The following HECTD4 variants were observed in gnomAD, a reference collection of about 807,000 sequenced individuals.
The protein encoded by HECTD4 is probable E3 ubiquitin-protein ligase HECTD4.
HECTD4 carries 114 observed loss-of-function variants against 471.5 expected under a neutral mutation model. The ratio of observed to expected loss-of-function variants is 0.24; its 90% CI spans 0.21 to 0.28. HECTD4 has a LOEUF of 0.28. HECTD4 is among the 10% of genes least tolerant of loss of function. HECTD4 has a pLI of 1.00. For missense variants in HECTD4, 3,866 were observed against 5,651.5 expected (o/e 0.68, Z 10.13); for synonymous variants, 2,012 against 2,256.0 (o/e 0.89, Z 3.07).
At chr12:112,316,955 T>C (rs1382862832) in intron 2 of HECTD4, among the ~76,000 whole-genome samples, 1 of 152,166 alleles carries the variant, frequency 6.6e-6, no homozygotes, top group Admixed American at 6.5e-5. Flanking sequence ...GTAAGTTCAA[T>C]AACTATTTTT....
intron 37 of HECTD4, 111 bp downstream of exon 37, chr12:112,234,966 G>C: frequency 1.2e-6 from 1 of 853,522 alleles, no homozygotes; most frequent in East Asian, 2.7e-5. Context: ...TACCTGAAAG[G>C]GGTGTAAAGA....
intron 55 of HECTD4, among the ~76,000 whole-genome samples, chr12:112,198,378 G>A (rs953637438): frequency 1.3e-5 from 2 of 152,206 alleles, no homozygotes; most frequent in Non-Finnish European, 2.9e-5. Flanking sequence ...CACCACAGAG[G>A]AGGGGCTGCC....
intron 1 of HECTD4, among the ~76,000 whole-genome samples, chr12:112,323,389 A>G (rs530303389): frequency 1.3e-5 from 2 of 152,288 alleles, no homozygotes; most frequent in South Asian, 4.1e-4. Context: ...ACTAATATGA[A>G]AAATATTCAT....
chr12:112,317,750 C>T (rs565089757), intron 2 of HECTD4, among the ~76,000 whole-genome samples: 18 of 151,492 alleles, frequency 1.2e-4, no homozygotes, highest in South Asian at 6.3e-4. Flanking sequence ...AGGCCAAGGC[C>T]GGCAGATTGC....
At chr12:112,268,579 A>C (rs529876574) in intron 13 of HECTD4, among the ~76,000 whole-genome samples, 6 of 152,166 alleles carry the variant, frequency 3.9e-5, no homozygotes, top group Non-Finnish European at 2.9e-5. Context: ...AACGTGGTGA[A>C]ACCCCATCTC....
chr12:112,303,777 G>A (rs775351401), intron 7 of HECTD4, among the ~76,000 whole-genome samples: 30 of 151,384 alleles, frequency 2.0e-4, no homozygotes, highest in South Asian at 1.5e-3. Context: ...CTGAGCCCAG[G>A]AGGTTGAGGC....
intron 35 of HECTD4, among the ~76,000 whole-genome samples, chr12:112,236,371 TC>T (rs1236715326): frequency 6.6e-6 from 1 of 152,260 alleles, no homozygotes; most frequent in East Asian, 1.9e-4. Context: ...CGTTATTTAT[TC>T]TTTCTTAATG....
Position 112,170,413 on chromosome 12 carries a change from C to T in HECTD4, c.11972G>A (p.Arg3991Gln), listed in dbSNP as rs769540911. Residue 3991 changes from arginine to glutamine, a missense_variant, in exon 69 of 76, where the codon CGA (arginine) becomes CAA (glutamine). Physicochemically the swap from Arg to Gln is conservative, Grantham distance 43. Coordinates refer to ENST00000682272, the MANE Select transcript of HECTD4 (RefSeq NM_001388303.1). ...FYDTKVTVMN[R>Q]VLNATVQRTA... ...CCTCTGCACAGTGGCATTCAGCACT[C>T]GATTCATCACGGTCACCTTCGTGTC... 9.3e-6 allele frequency: 15 copies of T among 1,613,832 alleles called. No homozygotes were observed. The highest frequency in any genetic ancestry group is 6.7e-5 in the Admixed American group (4 of 60,000).
At chr12:112,176,461 C>A in intron 65 of HECTD4, 135 bp downstream of exon 65, 1 of 643,798 alleles carries the variant, frequency 1.6e-6, no homozygotes, top group South Asian at 1.9e-5. Flanking sequence ...CCCCAGGGAA[C>A]CCAGAGCCCA....
chr12:112,207,786 G>A (rs1166332621), intron 52 of HECTD4, 88 bp downstream of exon 52: 4 of 1,459,032 alleles, frequency 2.7e-6, no homozygotes, highest in Non-Finnish European at 3.8e-6. Context: ...CATTAGATGA[G>A]TCTCTCCTGA....
chr12:112,209,403 T>C (rs184799921), intron 50 of HECTD4, among the ~76,000 whole-genome samples: 1 of 151,822 alleles, frequency 6.6e-6, no homozygotes, highest in Admixed American at 6.6e-5. Context: ...CTCAACTCAC[T>C]GCAACCTCCA....
At chr12:112,245,205 T>C (rs2033732700) in intron 29 of HECTD4, among the ~76,000 whole-genome samples, 1 of 152,144 alleles carries the variant, frequency 6.6e-6, no homozygotes, top group South Asian at 2.1e-4. Flanking sequence ...GGTCCTGCTA[T>C]GTGGCAAAGC....
chr12:112,231,960 C>G (rs917944335), intron 38 of HECTD4, among the ~76,000 whole-genome samples: 1 of 152,168 alleles, frequency 6.6e-6, no homozygotes, highest in African/African-American at 2.4e-5. Flanking sequence ...GGCCCCGACA[C>G]AGACTGCATT....
intron 1 of HECTD4, among the ~76,000 whole-genome samples, chr12:112,355,287 CA>C (rs1310033896): frequency 9.9e-5 from 11 of 111,418 alleles, no homozygotes; most frequent in South Asian, 3.5e-4. Context: ...AAATGGGATT[CA>C]AAAAAAAAAA....
chr12:112,229,847 A>G lies in HECTD4; in HGVS notation c.6370T>C (p.Leu2124=), dbSNP rs927734663. Residue 2124 remains leucine (L), a synonymous_variant, in exon 41 of 76, where the codon TTG becomes CTG. Coordinates refer to ENST00000682272, the MANE Select transcript of HECTD4 (RefSeq NM_001388303.1). ...LSRALMYIPQ[L]GKYAESILEN... ...AGAATGCTTTCTGCGTATTTCCCCA[A>G]TTGTGGAATGTACATCAGTGCTCTA... is the stretch of plus-strand genomic sequence containing the variant. The G allele has an allele frequency of 3.1e-6, 5 of 1,613,828 alleles. No individual in the cohort carries two copies. Among genetic ancestry groups the G allele is most frequent in the African/African-American group, 1.3e-5 (1 of 74,922 alleles).
At position 112,243,976 on chromosome 12, in the gene HECTD4, G is replaced by A. The variant is rs750490519; in HGVS notation, c.4547C>T (p.Ser1516Phe). The A allele has an allele frequency of 6.2e-7, 1 of 1,613,942 alleles. No homozygotes were observed. The highest frequency in any genetic ancestry group is 8.5e-7 in the Non-Finnish European group (1 of 1,179,870). The change falls in exon 30 of 76, where the codon TCT (serine) becomes TTT (phenylalanine). Residue 1516 changes from serine (S) to phenylalanine (F), a missense_variant. By Grantham distance (155) the Ser-to-Phe change is radical. Around this residue, in one of 16 missense-constraint regions of HECTD4, gnomAD observed 49 missense variants for 43.6 expected, o/e 1.12. Transcript: ENST00000682272. This position sits in a 1 kb window ranked among gnomAD's most constrained non-coding sequence, Gnocchi z 6.6. ...AAAAACAGGCTGCCTGACAGCGTGA[G>A]ATATCACTTTTGTTTCAGAAGCTGA... The part of the protein sequence containing the change: ...CKSASETKVI[S>F]HAVRQPVFLR...
At chr12:112,290,930 T>C (rs2034871960) in intron 7 of HECTD4, among the ~76,000 whole-genome samples, 1 of 151,144 alleles carries the variant, frequency 6.6e-6, no homozygotes, top group Non-Finnish European at 1.5e-5. Flanking sequence ...AATAAAAGGA[T>C]TTGTCACCAA....
At chr12:112,186,265 C>T (rs1388148109) in intron 60 of HECTD4, among the ~76,000 whole-genome samples, 1 of 150,710 alleles carries the variant, frequency 6.6e-6, no homozygotes, top group Non-Finnish European at 1.5e-5. Flanking sequence ...GCTGGGTTTA[C>T]AGGTGTGTGC....
At chr12:112,273,934 A>G in intron 10 of HECTD4, 139 bp from the exon 11 acceptor site, 1 of 936,694 alleles carries the variant, frequency 1.1e-6, no homozygotes, top group Non-Finnish European at 1.5e-6. Flanking sequence ...CCACAGATTT[A>G]TTTGGTAAGG....
Sources: gnomAD v4.1 joint callset for allele counts (sites outside exome capture counted in the v4.1 genomes callset) on GRCh38, gnomAD v4.1.1 for gene constraint, gnomAD v4.1.1 regional missense constraint, Gnocchi (gnomAD v3.1) non-coding constraint, MANE v1.5 for transcripts, NCBI Gene and HGNC (gene_info 2026-07-23, HGNC 2026-07-21) for gene names.